VAV2: variants seen among roughly 807,000 people sequenced by gnomAD.
VAV2 encodes guanine nucleotide exchange factor VAV2.
VAV2 carries 67 observed loss-of-function variants against 132.5 expected under a neutral mutation model. That is an observed-to-expected ratio of 0.51 (90% CI 0.42 to 0.62). The LOEUF (loss-of-function observed/expected upper bound fraction) is 0.62, where lower values mean the gene tolerates loss of function less well. Among genes scored for constraint, VAV2 ranks in the 20% least tolerant of loss-of-function variants. The pLI is 0.00. For synonymous variants in VAV2, 492 were observed against 443.5 expected (o/e 1.11, Z -1.37); for missense variants, 938 against 1,153.6 (o/e 0.81, Z 2.71).
At chr9:133,814,969 G>A (rs946228730) in intron 4 of VAV2, among the ~76,000 whole-genome samples, 10 of 152,116 alleles carry the variant, frequency 6.6e-5, no homozygotes, top group Admixed American at 1.3e-4. Flanking sequence ...CGACGTGCCC[G>A]GCTCTGACAA....
rs193005353 is a variant in VAV2 at position 133,918,807 on chromosome 9, G to T, written c.321+20296C>A. On this transcript the variant is annotated intron_variant, in intron 2 of 29. Coordinates refer to ENST00000371850, the MANE Select transcript of VAV2 (RefSeq NM_001134398.2). The surrounding 1 kb of genome is among the most constrained non-coding windows in gnomAD (Gnocchi z 4.7). ...TTTGTTTGTTTTGAGACAGAGTCTTGTTCTGTCGCCCAGGCTGAAGTGCAG... is the reference window on the plus strand; with the variant it reads ...TTTGTTTGTTTTGAGACAGAGTCTTTTTCTGTCGCCCAGGCTGAAGTGCAG... 3.2e-4 allele frequency among the ~76,000 whole-genome samples: 49 copies of T among 152,090 alleles called. No homozygotes were observed. Among genetic ancestry groups the T allele is most frequent in the African/African-American group, 1.1e-3 (46 of 41,482 alleles).
chr9:133,892,027 G>A (rs1240355392), intron 2 of VAV2, among the ~76,000 whole-genome samples: 8 of 137,648 alleles, frequency 5.8e-5, no homozygotes, highest in East Asian at 2.2e-4. Context: ...GACAAAGGAC[G>A]GGGTGCCAGG....
intron 9 of VAV2, among the ~76,000 whole-genome samples, chr9:133,799,119 T>C (rs991395319): frequency 1.3e-5 from 2 of 152,218 alleles, no homozygotes; most frequent in African/African-American, 2.4e-5. Context: ...TGGTGGGGTC[T>C]TGATGCAGGG....
intron 2 of VAV2, among the ~76,000 whole-genome samples, chr9:133,922,754 A>G (rs998661457): frequency 2.6e-5 from 4 of 152,240 alleles, no homozygotes; most frequent in African/African-American, 9.6e-5. Context: ...AAACTCTTAG[A>G]CAAAAACATA....
intron 2 of VAV2, among the ~76,000 whole-genome samples, chr9:133,874,294 C>T (rs959945609): frequency 6.6e-6 from 1 of 152,250 alleles, no homozygotes; most frequent in African/African-American, 2.4e-5. Flanking sequence ...GCTGCTCTCT[C>T]ATTCCCAGAG....
At position 133,991,269 on chromosome 9, in the gene VAV2, A is replaced by G. The variant is rs1216385734; in HGVS notation, c.204+806T>C. Among the ~76,000 whole-genome samples the G allele has an allele frequency of 2.6e-5, 4 of 152,042 alleles. No homozygotes were observed. Among genetic ancestry groups the G allele is most frequent in the African/African-American group, 4.8e-5 (2 of 41,392 alleles). On this transcript the variant is annotated intron_variant, in intron 1 of 29. Transcript: ENST00000371850. The surrounding 1 kb of genome is among the most constrained non-coding windows in gnomAD (Gnocchi z 4.8). ...CAGGACGGAAGCCTCGATTCTCTCA[A>G]GTCTTAGCCAAGTTCCCTCTTAAGA... is the stretch of plus-strand genomic sequence containing the variant.
intron 12 of VAV2, among the ~76,000 whole-genome samples, chr9:133,793,182 T>G (rs906687564): frequency 6.6e-5 from 10 of 151,860 alleles, no homozygotes; most frequent in African/African-American, 2.4e-4. Flanking sequence ...CAGAGAGCAG[T>G]GCCCACTTCA....
Position 133,937,505 on chromosome 9 carries a change from T to TGA in VAV2, c.321+1596_321+1597dup, listed in dbSNP as rs769880176. ...GGGTGGGTGCAAGAGTGTGTGCGTG[T>TGA]GAGTGTGTGTGCGCGTGTGAGAGTG... On this transcript the variant is annotated intron_variant, in intron 2 of 29. Transcript: ENST00000371850. Among the ~76,000 whole-genome samples the TGA allele has an allele frequency of 2.4e-3, 56 of 23,730 alleles. 1 individual carries two copies. The highest frequency in any genetic ancestry group is 8.0e-3 in the East Asian group (2 of 250). The allele number at this position is 23,730 out of a possible 152,430, so 15.6% of individuals were successfully genotyped here. A position where few individuals can be genotyped will look rare whatever the true frequency, so the allele number is the denominator to read the frequency against.
intron 2 of VAV2, among the ~76,000 whole-genome samples, chr9:133,921,160 C>T (rs1840283946): frequency 1.3e-5 from 2 of 152,228 alleles, no homozygotes; most frequent in Non-Finnish European, 2.9e-5. Flanking sequence ...AGTCAGCCCA[C>T]TTCCCTCCGC....
chr9:133,929,365 G>C (rs1264151925), intron 2 of VAV2, among the ~76,000 whole-genome samples: 2 of 152,104 alleles, frequency 1.3e-5, no homozygotes, highest in Non-Finnish European at 2.9e-5. Flanking sequence ...TGACAAACTG[G>C]GGTCCCCCAT....
In VAV2 at chr9:133,969,106, T is replaced by C. The variant is rs1476543401; in HGVS notation, c.204+22969A>G. On this transcript the variant is annotated intron_variant, in intron 1 of 29. Transcript: ENST00000371850. This position sits in a 1 kb window ranked among gnomAD's most constrained non-coding sequence, Gnocchi z 5.1. ...AAGCCGTCTAGTTGCCTGAGATGAA[T>C]CCCACATGCCGGGATTCACACTTCC... Among the ~76,000 whole-genome samples the C allele has an allele frequency of 6.6e-6, 1 of 151,494 alleles. No homozygotes were observed. The highest frequency in any genetic ancestry group is 1.9e-4 in the East Asian group (1 of 5,146).
At chr9:133,964,040 T>G (rs886527379) in intron 1 of VAV2, among the ~76,000 whole-genome samples, 1 of 104,064 alleles carries the variant, frequency 9.6e-6, no homozygotes, top group African/African-American at 3.1e-5. Flanking sequence ...TATATATATA[T>G]ATATATATAC....
At chr9:133,947,033 G>A (rs1239588320) in intron 1 of VAV2, among the ~76,000 whole-genome samples, 1 of 152,170 alleles carries the variant, frequency 6.6e-6, no homozygotes, top group Non-Finnish European at 1.5e-5. Context: ...GAATGTCTAG[G>A]AAGCACTCTT....
intron 2 of VAV2, among the ~76,000 whole-genome samples, chr9:133,929,955 A>G (rs1171002130): frequency 6.6e-6 from 1 of 152,216 alleles, no homozygotes; most frequent in African/African-American, 2.4e-5. Flanking sequence ...AATGCCACAT[A>G]AAAAACAGAT....
chr9:133,834,291 T>C lies in VAV2; in HGVS notation c.430A>G (p.Ser144Gly). The change falls in exon 4 of 30, where the codon AGC (serine) becomes GGC (glycine). Residue 144 changes from serine to glycine, a missense_variant. Ser to Gly is a moderately conservative substitution (Grantham distance 56, BLOSUM62 0). Transcript: ENST00000371850. The surrounding 1 kb of genome is among the most constrained non-coding windows in gnomAD (Gnocchi z 5.9). ...TTENDDDVYR[S>G]LEELADEHDL... ...CCTTACTCGGCCAGCTCCTCCAGGCTGCGGTAGACGTCATCGTCATTCTCT... is the reference window on the plus strand; with the variant it reads ...CCTTACTCGGCCAGCTCCTCCAGGCCGCGGTAGACGTCATCGTCATTCTCT... The C allele has an allele frequency of 6.2e-7, 1 of 1,612,228 alleles. No individual in the cohort carries two copies. Among genetic ancestry groups the C allele is most frequent in the Middle Eastern group, 1.6e-4 (1 of 6,062 alleles).
At chr9:133,800,867 G>A (rs7040634) in intron 9 of VAV2, among the ~76,000 whole-genome samples, 45,462 of 151,990 alleles carry the variant, frequency 0.3, 8,792 homozygotes, top group African/African-American at 0.56. Context: ...ACTTCTACTC[G>A]TCTGTCAAAA....
At position 133,794,882 on chromosome 9, in the gene VAV2, C is replaced by T. The variant is rs1462636554; in HGVS notation, c.1101+786G>A. On this transcript the variant is annotated intron_variant, in intron 12 of 29. Coordinates refer to ENST00000371850, the MANE Select transcript of VAV2 (RefSeq NM_001134398.2). The surrounding 1 kb of genome is among the most constrained non-coding windows in gnomAD (Gnocchi z 4.6). ...TGCCACCCACGAGGAAGCCAGTTCC[C>T]TGAGGACAGAACCCAGTGGGGGGCG... 6.6e-6 allele frequency among the ~76,000 whole-genome samples: 1 copy of T among 152,216 alleles called. No homozygotes were observed. Among genetic ancestry groups the T allele is most frequent in the Non-Finnish European group, 1.5e-5 (1 of 68,030 alleles).
At position 133,862,197 on chromosome 9, in the gene VAV2, G is replaced by A. The variant is rs535134553; in HGVS notation, c.322-765C>T. Reference sequence around the variant, plus strand: ...TCCTCTGGATAGGCAGGACCCACCTGTCTCCTGGCATTGAAAGCCCAACAC... The same window carrying A: ...TCCTCTGGATAGGCAGGACCCACCTATCTCCTGGCATTGAAAGCCCAACAC... On this transcript the variant is annotated intron_variant, in intron 2 of 29. Transcript: ENST00000371850. Among the ~76,000 whole-genome samples, 8 of 152,386 alleles carry A rather than the reference G, an allele frequency of 5.2e-5. No homozygotes were observed. The East Asian group carries it at 1.3e-3, about 26-fold the overall frequency.
intron 9 of VAV2, among the ~76,000 whole-genome samples, chr9:133,803,250 T>A (rs1835006682): frequency 6.6e-6 from 1 of 152,196 alleles, no homozygotes; most frequent in Non-Finnish European, 1.5e-5. Context: ...CGTTCTGTTC[T>A]GCATTCCTCC....
Sources: gnomAD v4.1 joint callset for allele counts (sites outside exome capture counted in the v4.1 genomes callset) on GRCh38, gnomAD v4.1.1 for gene constraint, Gnocchi (gnomAD v3.1) non-coding constraint, MANE v1.5 for transcripts, NCBI Gene and HGNC (gene_info 2026-07-23, HGNC 2026-07-21) for gene names.